DOK1: variants seen among roughly 807,000 people sequenced by gnomAD.
DOK1 encodes Downstream of tyrosine kinase 1.
DOK1 carries 12 observed loss-of-function variants against 24.0 expected under a neutral mutation model. That is an observed-to-expected ratio of 0.50 (90% CI 0.32 to 0.81). DOK1 has a LOEUF of 0.81. DOK1 is among the 30% of genes least tolerant of loss of function. The pLI is 0.03. For missense variants in DOK1, 591 were observed against 620.7 expected (o/e 0.95, Z 0.51); for synonymous variants, 250 against 260.9 (o/e 0.96, Z 0.40).
upstream of DOK1, chr2:74,554,476 C>T: frequency 1.9e-6 from 1 of 522,728 alleles, no homozygotes; most frequent in Non-Finnish European, 3.4e-6. This position sits in a 1 kb window ranked among gnomAD's most constrained non-coding sequence, Gnocchi z 4.9. Flanking sequence ...GCCACCACGC[C>T]CAGAGGCCAG....
rs374416874 is a variant in DOK1 at position 74,555,854 on chromosome 2, G to A, written c.455-40G>A. ...CCTCTGGGTCCCCACTGCTGCCCCC[G>A]TCCCTCCCCCGCAGCTGTCTAATCG... On this transcript the variant is annotated intron_variant, in intron 3 of 4. Transcript: ENST00000233668. The surrounding 1 kb of genome is among the most constrained non-coding windows in gnomAD (Gnocchi z 6.1). The A allele has an allele frequency of 5.0e-6, 8 of 1,586,382 alleles. No individual in the cohort carries two copies. The African/African-American group carries it at 9.4e-5, about 19-fold the overall frequency.
chr2:74,550,532 T>C (rs905794395), upstream of DOK1, among the ~76,000 whole-genome samples: 2 of 151,806 alleles, frequency 1.3e-5, no homozygotes, highest in Non-Finnish European at 2.9e-5. Context: ...GGGCATAAGA[T>C]TGAGGGAAAA....
chr2:74,556,722 A>C lies in DOK1; in HGVS notation c.1054A>C (p.Lys352Gln). The C allele has an allele frequency of 6.2e-7, 1 of 1,614,212 alleles. No individual in the cohort carries two copies. The highest frequency in any genetic ancestry group is 1.1e-5 in the South Asian group (1 of 91,088). The change falls in exon 5 of 5, where the codon AAG becomes CAG. Residue 352 changes from lysine (K) to glutamine (Q), a missense_variant. Physicochemically the swap from Lys to Gln is moderately conservative, Grantham distance 53. Transcript: ENST00000233668. The surrounding 1 kb of genome is among the most constrained non-coding windows in gnomAD (Gnocchi z 4.1). ...EHAQQQLLKA[K>Q]LTDPKEDPIY... ...TGCGCAGCAGCAGTTGCTGAAGGCC[A>C]AGCTGACAGACCCCAAAGAGGATCC...
rs1677510302 is a variant in DOK1 at position 74,556,851 on chromosome 2, G to A, written c.1183G>A (p.Glu395Lys). ...DAWWCQARVK[E>K]EGYELPYNPA... is the part of the protein sequence containing the mutation. Reference sequence around the variant, plus strand: ...ATGGTGGTGCCAAGCTCGGGTGAAGGAGGAGGGCTATGAGCTCCCCTACAA... The same window carrying A: ...ATGGTGGTGCCAAGCTCGGGTGAAGAAGGAGGGCTATGAGCTCCCCTACAA... Residue 395 changes from glutamate to lysine, a missense_variant, in exon 5 of 5, where the codon GAG (glutamate) becomes AAG (lysine). By Grantham distance (56) the Glu-to-Lys change is moderately conservative. Coordinates refer to ENST00000233668, the MANE Select transcript of DOK1 (RefSeq NM_001381.5). The surrounding 1 kb of genome is among the most constrained non-coding windows in gnomAD (Gnocchi z 4.1). The A allele has an allele frequency of 6.2e-7, 1 of 1,614,034 alleles. No homozygotes were observed. The highest frequency in any genetic ancestry group is 1.1e-5 in the South Asian group (1 of 91,084).
rs371690036 is a variant in DOK1, at chr2:74,556,443, G to A, written c.775G>A (p.Gly259Arg). The A allele has an allele frequency of 9.9e-6, 16 of 1,614,148 alleles. No individual in the cohort carries two copies. The highest frequency in any genetic ancestry group is 9.3e-5 in the African/African-American group (7 of 75,036). The change falls in exon 5 of 5, where the codon GGA (glycine) becomes AGA (arginine). Residue 259 changes from glycine to arginine, a missense_variant. Physicochemically the swap from Gly to Arg is moderately radical, Grantham distance 125. Transcript: ENST00000233668. The surrounding 1 kb of genome is among the most constrained non-coding windows in gnomAD (Gnocchi z 4.1). ...CCGGCAGAAGGCCCAGGGAAAGGCCGGACAGGGGCACGATGTTCTCAGAGC... is the reference window on the plus strand; with the variant it reads ...CCGGCAGAAGGCCCAGGGAAAGGCCAGACAGGGGCACGATGTTCTCAGAGC... Reference protein sequence around the residue: ...IHRQKAQGKAGQGHDVLRADS... With the variant: ...IHRQKAQGKARQGHDVLRADS...
Position 74,556,185 on chromosome 2 carries a change from C to G in DOK1, c.639+107C>G. On this transcript the variant is annotated intron_variant, in intron 4 of 4. Coordinates refer to ENST00000233668, the MANE Select transcript of DOK1 (RefSeq NM_001381.5). This position sits in a 1 kb window ranked among gnomAD's most constrained non-coding sequence, Gnocchi z 4.1. ...CCTTTGGATCCCCCTTTCTTGCCTA[C>G]CCGGTGACCCCGCGTCTGTTCGCAG... 1 of 1,530,394 alleles carries G rather than the reference C, an allele frequency of 6.5e-7. No homozygotes were observed. The highest frequency in any genetic ancestry group is 1.3e-5 in the South Asian group (1 of 78,104). The allele number at this position is 1,530,394 out of a possible 1,614,324, so 94.8% of individuals were successfully genotyped here. A position where few individuals can be genotyped will look rare whatever the true frequency, so the allele number is the denominator to read the frequency against.
At position 74,549,295 on chromosome 2, in the gene DOK1, G is replaced by A. The variant is rs148092041; in HGVS notation, c.-358+123G>A. ...TCCTCCCGTGCCCCGGACCTGCTCA[G>A]ATGTCTCCCAAGGCTATTCATCAGG... On this transcript the variant is annotated intron_variant, in intron 1 of 4. Transcript: ENST00000409429. The surrounding 1 kb of genome is among the most constrained non-coding windows in gnomAD (Gnocchi z 5.3). 1.7e-4 allele frequency: 244 copies of A among 1,460,200 alleles called. 1 individual carries two copies. In the African/African-American group the frequency reaches 3.2e-3, roughly 19 times the overall value. 90.5% of individuals were successfully genotyped at this position (1,460,200 alleles called of 1,614,324 possible).
upstream of DOK1, among the ~76,000 whole-genome samples, chr2:74,553,538 C>G (rs73949683): frequency 0.021 from 3,254 of 152,326 alleles, 111 homozygotes; most frequent in African/African-American, 0.074. Context: ...CTGAGAACAG[C>G]CCCTCTACAG....
chr2:74,555,798 G>A lies in DOK1; in HGVS notation c.455-96G>A. 3.8e-6 allele frequency: 6 copies of A among 1,583,462 alleles called. No homozygotes were observed. The highest frequency in any genetic ancestry group is 5.1e-6 in the Non-Finnish European group (6 of 1,165,474). The stretch of plus-strand genomic sequence containing the variant: ...AGGAAGGCCCTGAGATCTGGCTTCC[G>A]AGTGAGTGCTTGGACACTATGCTCA... On this transcript the variant is annotated intron_variant, in intron 3 of 4. Coordinates refer to ENST00000233668, the MANE Select transcript of DOK1 (RefSeq NM_001381.5). The surrounding 1 kb of genome is among the most constrained non-coding windows in gnomAD (Gnocchi z 6.1).
chr2:74,552,140 A>G (rs1472991283), upstream of DOK1, among the ~76,000 whole-genome samples: 1 of 152,226 alleles, frequency 6.6e-6, no homozygotes, highest in East Asian at 1.9e-4. Flanking sequence ...AGCACTGACT[A>G]GCCTAAGGTC....
chr2:74,554,778 GC>G lies in DOK1; in HGVS notation c.26del (p.Pro9ArgfsTer29). On this transcript the variant is annotated frameshift_variant, in exon 1 of 5. Coordinates refer to ENST00000233668, the MANE Select transcript of DOK1 (RefSeq NM_001381.5). LOFTEE classifies it high-confidence loss of function. This position sits in a 1 kb window ranked among gnomAD's most constrained non-coding sequence, Gnocchi z 4.9. ...CCATGGACGGAGCAGTGATGGAAGG[GC>G]CGCTTTTTTTGCAGAGTCAGCGCTT... MDGAVMEGPLFLQSQRFGT... is the reference protein window; with the variant it reads MDGAVMEGXLFLQSQRFGT... The G allele has an allele frequency of 6.2e-7, 1 of 1,614,114 alleles. No homozygotes were observed. Among genetic ancestry groups the G allele is most frequent in the Non-Finnish European group, 8.5e-7 (1 of 1,180,016 alleles).
chr2:74,552,256 G>T, upstream of DOK1: 1 of 1,467,106 alleles, frequency 6.8e-7, no homozygotes, highest in Non-Finnish European at 9.3e-7. Flanking sequence ...CCATCCTCGT[G>T]TTCCCTTTCC....
chr2:74,550,434 G>T, upstream of DOK1: 1 of 1,410,052 alleles, frequency 7.1e-7, no homozygotes, highest in Non-Finnish European at 9.7e-7. Flanking sequence ...TGAGTGCTGA[G>T]GCCTCCCACT....
At chr2:74,550,184 C>T (rs1359542631), upstream of DOK1, 2 of 1,612,372 alleles carry the variant, frequency 1.2e-6, no homozygotes, top group East Asian at 2.2e-5. Context: ...GAAATGCAGA[C>T]CTCAATGACA....
rs1296926430 is a variant in DOK1 at position 74,554,745 on chromosome 2, G to A, written c.-10G>A. On this transcript the variant is annotated 5_prime_UTR_variant, in exon 1 of 5. Coordinates refer to ENST00000233668, the MANE Select transcript of DOK1 (RefSeq NM_001381.5). The surrounding 1 kb of genome is among the most constrained non-coding windows in gnomAD (Gnocchi z 4.9). ...AGGGCCAGGAAGCGCGGAAGGAACC[G>A]CCGGGGGCCATGGACGGAGCAGTGA... 1 of 1,611,874 alleles carries A rather than the reference G, an allele frequency of 6.2e-7. No homozygotes were observed. Among genetic ancestry groups the A allele is most frequent in the South Asian group, 1.1e-5 (1 of 91,034 alleles).
At chr2:74,552,278 C>A, upstream of DOK1, 1 of 1,549,970 alleles carries the variant, frequency 6.5e-7, no homozygotes, top group South Asian at 1.2e-5. Flanking sequence ...TGCACTTTGG[C>A]CACACATAGG....
In DOK1 at chr2:74,556,991, C is replaced by G; in HGVS notation, c.1323C>G (p.Ile441Met). 1 of 1,614,200 alleles carries G rather than the reference C, an allele frequency of 6.2e-7. No individual in the cohort carries two copies. Among genetic ancestry groups the G allele is most frequent in the Non-Finnish European group, 8.5e-7 (1 of 1,180,044 alleles). ...CTGGTACTGCAACTGGCAGTGGCAT[C>G]AAAAGCCACAACTCAGCCCTGTACA... ...PEPGTATGSG[I>M]KSHNSALYSQ... Residue 441 changes from isoleucine to methionine, a missense_variant, in exon 5 of 5, where the codon ATC (isoleucine) becomes ATG (methionine). Transcript: ENST00000233668. The surrounding 1 kb of genome is among the most constrained non-coding windows in gnomAD (Gnocchi z 4.1).
In DOK1 at chr2:74,556,736, C is replaced by T; in HGVS notation, c.1068C>T (p.Pro356=). 1.9e-6 allele frequency: 3 copies of T among 1,614,194 alleles called. No homozygotes were observed. The highest frequency in any genetic ancestry group is 1.7e-6 in the Non-Finnish European group (2 of 1,180,028). The change falls in exon 5 of 5, where the codon CCC becomes CCT. Residue 356 remains proline, a synonymous_variant. Transcript: ENST00000233668. The surrounding 1 kb of genome is among the most constrained non-coding windows in gnomAD (Gnocchi z 4.1). ...QQLLKAKLTD[P]KEDPIYDEPE... ...TGCTGAAGGCCAAGCTGACAGACCC[C>T]AAAGAGGATCCCATCTATGATGAAC...
At position 74,549,370 on chromosome 2, in the gene DOK1, T is replaced by A. The variant is rs373973191; in HGVS notation, c.-358+198T>A. The A allele has an allele frequency of 1.2e-5, 19 of 1,597,586 alleles. No homozygotes were observed. In the African/African-American group the frequency reaches 2.4e-4, roughly 20 times the overall value. On this transcript the variant is annotated intron_variant, in intron 1 of 4. Coordinates refer to the DOK1 transcript ENST00000409429. This position sits in a 1 kb window ranked among gnomAD's most constrained non-coding sequence, Gnocchi z 5.3. ...CGCCCGGCGCCCGCGGCCCCTCACC[T>A]GTAGAAGGCCGCGTTGACCCTCTTT...
Sources: allele counts gnomAD v4.1 joint callset (sites outside exome capture counted in the v4.1 genomes callset), GRCh38; gene constraint gnomAD v4.1.1; non-coding constraint Gnocchi (gnomAD v3.1); transcripts MANE v1.5; gene names NCBI Gene and HGNC (gene_info 2026-07-23, HGNC 2026-07-21).